The following SNX22 variants were observed in gnomAD, a reference collection of about 807,000 sequenced individuals.
SNX22 encodes sorting nexin 22, also known as sorting nexin-22.
In SNX22, 23 loss-of-function variants were observed where a neutral mutation model predicts 24.7. The observed-to-expected ratio is 0.93, with a 90% confidence interval of 0.67 to 1.32. The LOEUF is 1.32. Among genes scored for constraint, SNX22 ranks in the 40% most tolerant of loss-of-function variants. The pLI, the probability that SNX22 is intolerant of heterozygous loss-of-function variation, is 0.00. For missense variants in SNX22, 261 were observed against 249.9 expected, an observed-to-expected ratio of 1.04 and a Z score of -0.30; for synonymous variants, 99 against 104.0, an observed-to-expected ratio of 0.95 and a Z score of 0.29.
In SNX22 at chr15:64,152,253, T is replaced by C; in HGVS notation, c.86T>C (p.Val29Ala). The C allele has an allele frequency of 2.1e-6, 3 of 1,432,158 alleles. No homozygotes were observed. Among genetic ancestry groups the C allele is most frequent in the Non-Finnish European group, 2.7e-6 (3 of 1,102,496 alleles). The allele number at this position is 1,432,158 out of a possible 1,614,324, so 88.7% of individuals were successfully genotyped here. ...CGCCCGCGCCGCCAGGTGTTCCGAG[T>C]GGAGGTGCTGTGCAGCGGGCGCAGA... ...SPEKSHMVFR[V>A]EVLCSGRRHT... Residue 29 changes from valine (V) to alanine (A), a missense_variant, in exon 2 of 7, where the codon GTG becomes GCG. By Grantham distance (64) the Val-to-Ala change is moderately conservative. Coordinates refer to ENST00000325881, the MANE Select transcript of SNX22 (RefSeq NM_024798.3).
Position 64,155,890 on chromosome 15 carries a change from A to C in SNX22, c.*1382A>C. 1 of 1,370,106 alleles carries C rather than the reference A, an allele frequency of 7.3e-7. No individual in the cohort carries two copies. Among genetic ancestry groups the C allele is most frequent in the Non-Finnish European group, 1.0e-6 (1 of 970,086 alleles). 84.9% of individuals were successfully genotyped at this position (1,370,106 alleles called of 1,614,324 possible). ...AGGAGTTTGTTACAAAAGTGAGTCC[A>C]TGGGCCTGTGGAATGTGAGGGGAGT... is the stretch of plus-strand genomic sequence containing the variant. On this transcript the variant is annotated 3_prime_UTR_variant, in exon 7 of 7. Coordinates refer to ENST00000325881, the MANE Select transcript of SNX22 (RefSeq NM_024798.3).
rs2081488970 is a variant in SNX22, at chr15:64,151,921, AC to A, written c.75+74del. ...TTTCCCCGCGCTGCGCTCAGTGGGG[AC>A]CCGGGGCCCGGGCCTGGGTGAACGA... On this transcript the variant is annotated intron_variant, in intron 1 of 6. Coordinates refer to ENST00000325881, the MANE Select transcript of SNX22 (RefSeq NM_024798.3). 17 of 1,403,804 alleles carry A rather than the reference AC, an allele frequency of 1.2e-5. No homozygotes were observed. In the East Asian group the frequency reaches 4.4e-4, roughly 37 times the overall value. 87.0% of individuals were successfully genotyped at this position (1,403,804 alleles called of 1,614,324 possible).
At position 64,156,524 on chromosome 15, in the gene SNX22, G is replaced by T. The variant is rs2081532873; in HGVS notation, c.*2016G>T. 1 of 708,706 alleles carries T rather than the reference G, an allele frequency of 1.4e-6. No homozygotes were observed. Among genetic ancestry groups the T allele is most frequent in the Non-Finnish European group, 2.4e-6 (1 of 410,870 alleles). 43.9% of individuals were successfully genotyped at this position (708,706 alleles called of 1,614,324 possible). A position where few individuals can be genotyped will look rare whatever the true frequency, so the allele number is the denominator to read the frequency against. ...CTCTGGCAGTTGTGCAGCCTTCCTGGCTGGGCTCTGAGGGGGCTGGAAGAA... is the reference window on the plus strand; with the variant it reads ...CTCTGGCAGTTGTGCAGCCTTCCTGTCTGGGCTCTGAGGGGGCTGGAAGAA... On this transcript the variant is annotated 3_prime_UTR_variant, in exon 7 of 7. Coordinates refer to ENST00000325881, the MANE Select transcript of SNX22 (RefSeq NM_024798.3). The surrounding 1 kb of genome is among the most constrained non-coding windows in gnomAD (Gnocchi z 6.4).
In SNX22 at chr15:64,153,260, A is replaced by C; in HGVS notation, c.280A>C (p.Asn94His). The change falls in exon 4 of 7, where the codon AAC becomes CAC. Residue 94 changes from asparagine (N) to histidine (H), a missense_variant. Transcript: ENST00000325881. ...TCCTCTCCAGGGCATCCTGTACCTG[A>C]ACCAGGAGGTGCCCAAGGAGTTACT... is the stretch of plus-strand genomic sequence containing the variant. ...EAYIQGILYL[N>H]QEVPKELLEF... is the part of the protein sequence containing the mutation. 6.2e-7 allele frequency: 1 copy of C among 1,614,188 alleles called. No individual in the cohort carries two copies. The highest frequency in any genetic ancestry group is 2.2e-5 in the East Asian group (1 of 44,880).
In SNX22 at chr15:64,155,834, C is replaced by A. The variant is rs1479946828; in HGVS notation, c.*1326C>A. ...ACATTATATATTAAAAAAAAAAAAA[C>A]CCACATTTTTTTTTATTGGTCAGTG... On this transcript the variant is annotated 3_prime_UTR_variant, in exon 7 of 7. Transcript: ENST00000325881. The A allele has an allele frequency of 2.2e-4, 153 of 699,418 alleles. No individual in the cohort carries two copies. The highest frequency in any genetic ancestry group is 1.2e-3 in the South Asian group (69 of 56,478). 43.3% of individuals were successfully genotyped at this position (699,418 alleles called of 1,614,324 possible).
In SNX22 at chr15:64,154,384, CAG is replaced by C; in HGVS notation, c.461_462del. 3 of 1,614,130 alleles carry C rather than the reference CAG, an allele frequency of 1.9e-6. No individual in the cohort carries two copies. The highest frequency in any genetic ancestry group is 2.2e-5 in the South Asian group (2 of 91,090). ...GCCAGACCTGTTTAATTCTATCCCA[CAG>C]AGTCGCTGCCCAACGTGGTGGTGAA... On this transcript the variant is annotated splice_acceptor_variant, in intron 6 of 6. Coordinates refer to ENST00000325881, the MANE Select transcript of SNX22 (RefSeq NM_024798.3). LOFTEE classifies it high-confidence loss of function.
In SNX22 at chr15:64,153,319, C is replaced by T. The variant is rs1158176115; in HGVS notation, c.339C>T (p.Asp113=). The T allele has an allele frequency of 6.2e-7, 1 of 1,613,940 alleles. No individual in the cohort carries two copies. Among genetic ancestry groups the T allele is most frequent in the Non-Finnish European group, 8.5e-7 (1 of 1,179,886 alleles). Residue 113 remains aspartate (D), a synonymous_variant, in exon 4 of 7, where the codon GAC becomes GAT. Coordinates refer to ENST00000325881, the MANE Select transcript of SNX22 (RefSeq NM_024798.3). Reference sequence around the variant, plus strand: ...TGAGACTTCGGCACTTCCCCACAGACCCCAAGGCTAGCAACTGGGGGTAAG... The same window carrying T: ...TGAGACTTCGGCACTTCCCCACAGATCCCAAGGCTAGCAACTGGGGGTAAG... ...EFLRLRHFPT[D]PKASNWGTLR...
chr15:64,153,548 C>A, intron 4 of SNX22, 104 bp from the exon 5 acceptor site: 1 of 1,530,596 alleles, frequency 6.5e-7, no homozygotes, highest in Non-Finnish European at 9.0e-7. Flanking sequence ...CAAATAGAAG[C>A]AGTGGTCCCC....
chr15:64,152,685 C>T lies in SNX22; in HGVS notation c.207C>T (p.Pro69=), dbSNP rs2081495907. Residue 69 remains proline, a synonymous_variant, in exon 3 of 7, where the codon CCC becomes CCT. Coordinates refer to ENST00000325881, the MANE Select transcript of SNX22 (RefSeq NM_024798.3). The part of the protein sequence containing the change: ...KVPDFPSKRL[P]NWRTRGLEQR... The stretch of plus-strand genomic sequence containing the variant: ...CCGACTTCCCCTCGAAACGCCTGCC[C>T]AACTGGAGGACCAGAGGGTTGGAAC... 1 of 1,614,224 alleles carries T rather than the reference C, an allele frequency of 6.2e-7. No individual in the cohort carries two copies. Among genetic ancestry groups the T allele is most frequent in the Non-Finnish European group, 8.5e-7 (1 of 1,180,034 alleles).
rs1480409657 is a variant in SNX22, at chr15:64,153,948, C to T, written c.406C>T (p.Gln136Ter). 6.2e-7 allele frequency: 1 copy of T among 1,613,002 alleles called. No homozygotes were observed. Among genetic ancestry groups the T allele is most frequent in the Non-Finnish European group, 8.5e-7 (1 of 1,179,580 alleles). The stretch of plus-strand genomic sequence containing the variant: ...GTTTCCTCCCAGCTCCCAGCAGCAC[C>T]AGCGGCCTGTCCTGAGCTTCCATGT... ...LPGDSSSQQH[Q>*]RPVLSFHVDP... is the part of the protein sequence containing the mutation. Residue 136 changes from glutamine to a stop codon, truncating the protein, a stop_gained, in exon 6 of 7, where the codon CAG (glutamine) becomes TAG (stop). Coordinates refer to ENST00000325881, the MANE Select transcript of SNX22 (RefSeq NM_024798.3). LOFTEE classifies it high-confidence loss of function.
intron 1 of SNX22, 62 bp from the exon 2 acceptor site, chr15:64,152,181 G>C (rs1270349368): frequency 2.2e-6 from 3 of 1,335,142 alleles, no homozygotes; most frequent in South Asian, 1.7e-5. Flanking sequence ...GCCAGGCGCA[G>C]GTGCTGCGGC....
At chr15:64,152,077 G>C (rs77627789) in intron 1 of SNX22, 166 bp from the exon 2 acceptor site, 84,816 of 783,974 alleles carry the variant, frequency 0.11, 4,955 homozygotes, top group South Asian at 0.18. Context: ...TCCGCCAGCC[G>C]GTTCTCCCAG....
At position 64,155,958 on chromosome 15, in the gene SNX22, C is replaced by G. The variant is rs2230223; in HGVS notation, c.*1450C>G. 1,549 of 1,612,364 alleles carry G rather than the reference C, an allele frequency of 9.6e-4. 5 individuals are homozygous for G. The highest frequency in any genetic ancestry group is 5.8e-4 in the Non-Finnish European group (681 of 1,179,548). Reference sequence around the variant, plus strand: ...TGCCAGCACCGGGGCCAGTGCAGCTCAGAGCCCTGTGGCGGACTACAGGGC... The same window carrying G: ...TGCCAGCACCGGGGCCAGTGCAGCTGAGAGCCCTGTGGCGGACTACAGGGC... On this transcript the variant is annotated 3_prime_UTR_variant, in exon 7 of 7. Coordinates refer to ENST00000325881, the MANE Select transcript of SNX22 (RefSeq NM_024798.3).
rs2081505818 is a variant in SNX22, at chr15:64,153,924, T to C, written c.393-11T>C. 1 of 1,610,182 alleles carries C rather than the reference T, an allele frequency of 6.2e-7. No homozygotes were observed. The highest frequency in any genetic ancestry group is 8.5e-7 in the Non-Finnish European group (1 of 1,178,116). On this transcript the variant is annotated splice_polypyrimidine_tract_variant and intron_variant, in intron 5 of 6. Coordinates refer to ENST00000325881, the MANE Select transcript of SNX22 (RefSeq NM_024798.3). Reference sequence around the variant, plus strand: ...CCCGCACCCATGGTTCATGACCCTGTTTCCTCCCAGCTCCCAGCAGCACCA... The same window carrying C: ...CCCGCACCCATGGTTCATGACCCTGCTTCCTCCCAGCTCCCAGCAGCACCA...
intron 2 of SNX22, 142 bp downstream of exon 2, chr15:64,152,468 G>C (rs1258168931): frequency 1.6e-6 from 2 of 1,221,652 alleles, no homozygotes; most frequent in Non-Finnish European, 2.3e-6. Flanking sequence ...CAGCCCCCGG[G>C]CCTCTGTGGG....
Position 64,156,428 on chromosome 15 carries a change from TG to T in SNX22, c.*1921del. ...AGGGCATGTGGCTTCTCAGGGACAT[TG>T]CGTTCAGCTGCACTCTGTATACCTC... On this transcript the variant is annotated 3_prime_UTR_variant, in exon 7 of 7. Transcript: ENST00000325881. The surrounding 1 kb of genome is among the most constrained non-coding windows in gnomAD (Gnocchi z 6.4). 1 of 616,370 alleles carries T rather than the reference TG, an allele frequency of 1.6e-6. No homozygotes were observed. The highest frequency in any genetic ancestry group is 2.6e-5 in the Admixed American group (1 of 37,848). The allele number at this position is 616,370 out of a possible 1,614,324, so 38.2% of individuals were successfully genotyped here.
At position 64,155,839 on chromosome 15, in the gene SNX22, A is replaced by ATT; in HGVS notation, c.*1339_*1340dup. ...ATATATTAAAAAAAAAAAAACCCACATTTTTTTTTATTGGTCAGTGTTGGT... is the reference window on the plus strand; with the variant it reads ...ATATATTAAAAAAAAAAAAACCCACATTTTTTTTTTTATTGGTCAGTGTTGGT... On this transcript the variant is annotated 3_prime_UTR_variant, in exon 7 of 7. Coordinates refer to ENST00000325881, the MANE Select transcript of SNX22 (RefSeq NM_024798.3). 6.4e-6 allele frequency: 5 copies of ATT among 775,448 alleles called. No individual in the cohort carries two copies. Among genetic ancestry groups the ATT allele is most frequent in the South Asian group, 3.5e-5 (2 of 56,500 alleles). 48.0% of individuals were successfully genotyped at this position (775,448 alleles called of 1,614,324 possible).
chr15:64,152,592 G>T, intron 2 of SNX22, 46 bp from the exon 3 acceptor site: 1 of 1,565,234 alleles, frequency 6.4e-7, no homozygotes, highest in East Asian at 2.3e-5. Flanking sequence ...GAGGGCTTGA[G>T]GGCTCAGTCG....
At position 64,154,452 on chromosome 15, in the gene SNX22, G is replaced by T; in HGVS notation, c.526G>T (p.Asp176Tyr). Residue 176 changes from aspartate (D) to tyrosine (Y), a missense_variant, in exon 7 of 7, where the codon GAT becomes TAT. By Grantham distance (160) the Asp-to-Tyr change is radical. Coordinates refer to ENST00000325881, the MANE Select transcript of SNX22 (RefSeq NM_024798.3). ...QGLYSFSISPDKAQPKAACHP... is the reference protein window; with the variant it reads ...QGLYSFSISPYKAQPKAACHP... ...CCTCTACAGCTTCAGCATCAGCCCA[G>T]ATAAAGCCCAGCCAAAGGCGGCCTG... is the stretch of plus-strand genomic sequence containing the variant. 1 of 1,614,150 alleles carries T rather than the reference G, an allele frequency of 6.2e-7. No homozygotes were observed. Among genetic ancestry groups the T allele is most frequent in the South Asian group, 1.1e-5 (1 of 91,086 alleles).
Sources: allele counts gnomAD v4.1 joint callset, GRCh38; gene constraint gnomAD v4.1.1; non-coding constraint Gnocchi (gnomAD v3.1); transcripts MANE v1.5; gene names NCBI Gene and HGNC (gene_info 2026-07-23, HGNC 2026-07-21).